The following CDIN1 variants were observed in gnomAD, a reference collection of about 807,000 sequenced individuals.
The protein encoded by CDIN1 is CDAN1-interacting nuclease 1.
CDIN1 carries 33 observed loss-of-function variants against 45.3 expected under a neutral mutation model. The ratio of observed to expected loss-of-function variants is 0.73; its 90% CI spans 0.55 to 0.97. The LOEUF is 0.97. CDIN1 is among the 50% of genes least tolerant of loss of function. The pLI is 0.00. For synonymous variants in CDIN1, 118 were observed against 124.4 expected (o/e 0.95, Z 0.34); for missense variants, 303 against 339.4 (o/e 0.89, Z 0.84).
At chr15:36,642,688 C>T (rs1566859162) in intron 1 of CDIN1, among the ~76,000 whole-genome samples, 1 of 152,202 alleles carries the variant, frequency 6.6e-6, no homozygotes, top group African/African-American at 2.4e-5. Flanking sequence ...TTCTGGGCAT[C>T]TACAGTTATG....
At chr15:36,643,840 C>T (rs552602075) in intron 1 of CDIN1, among the ~76,000 whole-genome samples, 1 of 152,276 alleles carries the variant, frequency 6.6e-6, no homozygotes, top group South Asian at 2.1e-4. Flanking sequence ...ACTGGGATAC[C>T]TGTAGAGGAG....
chr15:36,741,303 A>C (rs145498817), intron 10 of CDIN1, among the ~76,000 whole-genome samples: 106 of 152,294 alleles, frequency 7.0e-4, no homozygotes, highest in African/African-American at 2.5e-3. Context: ...CAAATAATCA[A>C]ACCCTGGTAG....
At chr15:36,680,791 A>G (rs147813517) in intron 5 of CDIN1, among the ~76,000 whole-genome samples, 7 of 152,316 alleles carry the variant, frequency 4.6e-5, no homozygotes, top group African/African-American at 1.7e-4. Context: ...TATTGAGAGA[A>G]CAAATAGAAA....
chr15:36,597,406 A>G (rs1007404120), intron 1 of CDIN1, among the ~76,000 whole-genome samples: 2 of 152,190 alleles, frequency 1.3e-5, no homozygotes, highest in African/African-American at 4.8e-5. Context: ...TCTTAAAGCT[A>G]TCTGTTAATG....
At chr15:36,634,487 C>A (rs544505091) in intron 1 of CDIN1, among the ~76,000 whole-genome samples, 15 of 152,210 alleles carry the variant, frequency 9.9e-5, no homozygotes, top group African/African-American at 3.1e-4. Flanking sequence ...ACTTTATGGC[C>A]TTTGATTGTG....
chr15:36,601,216 G>A (rs926165020), intron 1 of CDIN1, among the ~76,000 whole-genome samples: 15 of 152,292 alleles, frequency 9.8e-5, no homozygotes, highest in Admixed American at 8.5e-4. Context: ...GACTAGGTAC[G>A]ATGTGTAACT....
Position 36,716,644 on chromosome 15 carries a change from G to A in CDIN1, c.716+6683G>A, listed in dbSNP as rs72706771. On this transcript the variant is annotated intron_variant, in intron 10 of 10. Coordinates refer to ENST00000566621, the MANE Select transcript of CDIN1 (RefSeq NM_001321759.2). ...GGTGTGCAGTGCAGCCTGGACTCTG[G>A]GATTTTTGTTGTTGTTGTTCTGTTT... 7.2e-3 allele frequency among the ~76,000 whole-genome samples: 1,100 copies of A among 152,184 alleles called. 9 individuals carry two copies. Among genetic ancestry groups the A allele is most frequent in the Non-Finnish European group, 0.011 (757 of 68,000 alleles).
At chr15:36,773,583 T>C (rs2141030642) in intron 10 of CDIN1, among the ~76,000 whole-genome samples, 1 of 152,274 alleles carries the variant, frequency 6.6e-6, no homozygotes, top group Middle Eastern at 3.4e-3. Flanking sequence ...AGAAGATCAC[T>C]CAACTCAGCC....
Position 36,732,308 on chromosome 15 carries a change from G to C in CDIN1, c.716+22347G>C, listed in dbSNP as rs142668767. On this transcript the variant is annotated intron_variant, in intron 10 of 10. Transcript: ENST00000566621. Reference sequence around the variant, plus strand: ...AAATTTACAGGGAAAGGGAGGAACTGTACTAGGAAAAAAACTTAAGAGACA... The same window carrying C: ...AAATTTACAGGGAAAGGGAGGAACTCTACTAGGAAAAAAACTTAAGAGACA... 3.5e-3 allele frequency among the ~76,000 whole-genome samples: 527 copies of C among 152,112 alleles called. 2 individuals are homozygous for C. Among genetic ancestry groups the C allele is most frequent in the African/African-American group, 0.012 (489 of 41,554 alleles).
rs982250039 is a variant in CDIN1 at position 36,709,422 on chromosome 15, A to G, written c.610+134A>G. The stretch of plus-strand genomic sequence containing the variant: ...GGAAAATGTTACTTTTAAACAGCAG[A>G]AAATAATAGGTTCAGAAGAAATCTG... On this transcript the variant is annotated intron_variant, in intron 9 of 10. Coordinates refer to ENST00000566621, the MANE Select transcript of CDIN1 (RefSeq NM_001321759.2). 9.2e-6 allele frequency: 5 copies of G among 544,824 alleles called. No homozygotes were observed. The East Asian group carries it at 1.3e-4, about 14-fold the overall frequency. The allele number at this position is 544,824 out of a possible 1,614,324, so 33.7% of individuals were successfully genotyped here.
In CDIN1 at chr15:36,809,125, T is replaced by C. The variant is rs2055324739; in HGVS notation, c.*672T>C. ...ATACACTTGATGAGAATTTCCTCTT[T>C]TAATAATGTTATTTGAACACCACAT... On this transcript the variant is annotated 3_prime_UTR_variant, in exon 11 of 11. Coordinates refer to ENST00000566621, the MANE Select transcript of CDIN1 (RefSeq NM_001321759.2). The C allele has an allele frequency of 9.1e-6, 3 of 331,278 alleles. No homozygotes were observed. The highest frequency in any genetic ancestry group is 8.1e-5 in the Admixed American group (2 of 24,642). The allele number at this position is 331,278 out of a possible 1,614,324, so 20.5% of individuals were successfully genotyped here.
rs539673573 is a variant in CDIN1, at chr15:36,638,404, G to C, written c.102-5874G>C. ...AAAATTAACACTTACAGAGGGCCCC[G>C]GCATCCTCTATAGAGAAGATGATTG... On this transcript the variant is annotated intron_variant, in intron 1 of 10. Transcript: ENST00000566621. Among the ~76,000 whole-genome samples the C allele has an allele frequency of 2.0e-5, 3 of 152,112 alleles. No individual in the cohort carries two copies. In the East Asian group the frequency reaches 5.8e-4, roughly 29 times the overall value.
At chr15:36,641,959 A>C (rs1440332099) in intron 1 of CDIN1, 2 of 152,250 alleles carry the variant, frequency 1.3e-5, no homozygotes, top group African/African-American at 4.8e-5. Flanking sequence ...TTTCTTGTGA[A>C]CCTAGTGAAA....
chr15:36,626,193 C>A (rs2039414488), intron 1 of CDIN1, among the ~76,000 whole-genome samples: 1 of 150,852 alleles, frequency 6.6e-6, no homozygotes, highest in Non-Finnish European at 1.5e-5. Context: ...TTATTCAAAT[C>A]ATTTTTTTTT....
Position 36,653,091 on chromosome 15 carries a change from C to A in CDIN1, c.213-1007C>A, listed in dbSNP as rs1192072326. On this transcript the variant is annotated intron_variant, in intron 3 of 10. Transcript: ENST00000566621. ...AATTAAATAAAATACAATTCTCCAA[C>A]CTTCATGAAGCTTTCAACATTACAG... Among the ~76,000 whole-genome samples the A allele has an allele frequency of 5.3e-5, 8 of 152,274 alleles. No homozygotes were observed. The East Asian group carries it at 1.5e-3, about 29-fold the overall frequency.
intron 5 of CDIN1, among the ~76,000 whole-genome samples, chr15:36,664,188 C>T (rs2041145147): frequency 6.6e-6 from 1 of 152,128 alleles, no homozygotes; most frequent in Admixed American, 6.5e-5. Flanking sequence ...ATGGAATTCA[C>T]TTCAGGCTAT....
intron 4 of CDIN1, among the ~76,000 whole-genome samples, chr15:36,656,925 GT>G (rs1466955904): frequency 6.6e-6 from 1 of 152,128 alleles, no homozygotes; most frequent in Non-Finnish European, 1.5e-5. Context: ...TATGAGGAAT[GT>G]TTGCTGTCTT....
chr15:36,682,599 CA>C (rs35789630), intron 5 of CDIN1, among the ~76,000 whole-genome samples: 261 of 116,858 alleles, frequency 2.2e-3, no homozygotes, highest in African/African-American at 7.2e-3. Context: ...CCTGTCTCTA[CA>C]AAAAAAAAAA....
chr15:36,767,269 T>A (rs1405893458), intron 10 of CDIN1, among the ~76,000 whole-genome samples: 1 of 152,202 alleles, frequency 6.6e-6, no homozygotes, highest in Non-Finnish European at 1.5e-5. Context: ...CAGTTTGGAA[T>A]AAAATTGTCT....
Sources: gnomAD v4.1 joint callset for allele counts (sites outside exome capture counted in the v4.1 genomes callset) on GRCh38, gnomAD v4.1.1 for gene constraint, MANE v1.5 for transcripts, NCBI Gene and HGNC (gene_info 2026-07-23, HGNC 2026-07-21) for gene names.